Variants in SYT17 observed in about 807,000 individuals in gnomAD.
SYT17 encodes the protein synaptotagmin-17.
A neutral mutation model predicts 46.7 loss-of-function variants in SYT17; 22 were observed. The observed-to-expected ratio is 0.47, with a 90% CI of 0.34 to 0.67. The LOEUF (loss-of-function observed/expected upper bound fraction) is 0.67. SYT17 is among the 30% of genes least tolerant of loss of function. The probability of loss-of-function intolerance (pLI) is 0.01; values close to 1 mark genes in which losing one functional copy is unlikely to be tolerated. For synonymous variants in SYT17, 251 were observed against 248.4 expected, an observed-to-expected ratio of 1.01 and a Z score of -0.10; for missense variants, 519 against 612.8, an observed-to-expected ratio of 0.85 and a Z score of 1.62.
intron 5 of SYT17, among the ~76,000 whole-genome samples, chr16:19,203,212 C>T (rs1965532442): frequency 6.6e-6 from 1 of 151,954 alleles, no homozygotes; most frequent in South Asian, 2.1e-4. Flanking sequence ...AGCACTTGGC[C>T]AGGCGCAGTG....
intron 7 of SYT17, among the ~76,000 whole-genome samples, chr16:19,260,070 A>C (rs928841792): frequency 2.6e-5 from 4 of 152,114 alleles, no homozygotes; most frequent in African/African-American, 9.7e-5. Context: ...TATTATCTAA[A>C]GACCTGAAAT....
chr16:19,259,265 A>G lies in SYT17; in HGVS notation c.1229-7615A>G, dbSNP rs7202507. On this transcript the variant is annotated intron_variant, in intron 7 of 7. Coordinates refer to ENST00000355377, the MANE Select transcript of SYT17 (RefSeq NM_016524.4). ...GAACTAAAAGCATTTTGTGAGAGTA[A>G]AGTTTCCACTTACTGATCCCTTTCC... Among the ~76,000 whole-genome samples the G allele has an allele frequency of 2.0e-5, 3 of 152,222 alleles. No individual in the cohort carries two copies. In the East Asian group the frequency reaches 5.8e-4, roughly 29 times the overall value.
chr16:19,185,432 AT>A (rs1410400398), intron 5 of SYT17, among the ~76,000 whole-genome samples: 2 of 152,050 alleles, frequency 1.3e-5, no homozygotes, highest in South Asian at 4.1e-4. Context: ...ACAAAAAACA[AT>A]TTAAAAATTA....
chr16:19,222,591 T>C (rs957504812), intron 5 of SYT17, among the ~76,000 whole-genome samples: 3 of 152,184 alleles, frequency 2.0e-5, no homozygotes, highest in African/African-American at 7.2e-5. Flanking sequence ...ATAACAGCAG[T>C]CAGAGTATCT....
At position 19,242,858 on chromosome 16, in the gene SYT17, T is replaced by C. The variant is rs139982117; in HGVS notation, c.1228+18020T>C. Among the ~76,000 whole-genome samples the C allele has an allele frequency of 1.7e-3, 260 of 152,116 alleles. 2 individuals carry two copies. The highest frequency in any genetic ancestry group is 5.5e-3 in the African/African-American group (227 of 41,522). On this transcript the variant is annotated intron_variant, in intron 7 of 7. Transcript: ENST00000355377. ...ATGGTGAGTGTTTATTGAACACCCA[T>C]AGTGTGCCTAAGGCTGATAGGCATG... is the stretch of plus-strand genomic sequence containing the variant.
At chr16:19,232,476 A>G (rs1156656203) in intron 7 of SYT17, among the ~76,000 whole-genome samples, 1 of 152,134 alleles carries the variant, frequency 6.6e-6, no homozygotes, top group Non-Finnish European at 1.5e-5. Flanking sequence ...TTTGGGAAAC[A>G]AATAGACCCA....
intron 7 of SYT17, among the ~76,000 whole-genome samples, chr16:19,265,429 T>A (rs1486615075): frequency 1.3e-5 from 2 of 152,238 alleles, no homozygotes; most frequent in Non-Finnish European, 2.9e-5. Context: ...TAAGTCTTTT[T>A]GGCTTTTGGA....
rs558494063 is a variant in SYT17 at position 19,255,033 on chromosome 16, C to T, written c.1229-11847C>T. ...TTCATAAGCCAAAGCAGCATTTCTC[C>T]GTGGTTTCTCCTCCACTCCCCCGTT... On this transcript the variant is annotated intron_variant, in intron 7 of 7. Transcript: ENST00000355377. 1.6e-4 allele frequency among the ~76,000 whole-genome samples: 25 copies of T among 152,280 alleles called. No homozygotes were observed. In the South Asian group the frequency reaches 2.9e-3, roughly 18 times the overall value.
At chr16:19,266,361 AC>A (rs879476825) in intron 7 of SYT17, among the ~76,000 whole-genome samples, 2 of 152,218 alleles carry the variant, frequency 1.3e-5, no homozygotes, top group African/African-American at 4.8e-5. Context: ...GTACGTAGGT[AC>A]CCGGGATGCT....
rs1361047678 is a variant in SYT17 at position 19,249,910 on chromosome 16, G to A, written c.1229-16970G>A. On this transcript the variant is annotated intron_variant, in intron 7 of 7. Transcript: ENST00000355377. ...TGTCTTGCTCACTCCCTTGTCCCCA[G>A]CAGATTCACCAAGTCCTCTTTTTGC... is the stretch of plus-strand genomic sequence containing the variant. 8 of 1,533,766 alleles carry A rather than the reference G, an allele frequency of 5.2e-6. No homozygotes were observed. In the Admixed American group the frequency reaches 1.2e-4, roughly 23 times the overall value.
In SYT17 at chr16:19,173,442, A is replaced by C. The variant is rs1964185768; in HGVS notation, c.46A>C (p.Arg16=). ...LEPLNEGFLS[R]ISGLLLCRWT... The stretch of plus-strand genomic sequence containing the variant: ...CCAATGGCCTCAGGGTTTTCTTTCT[A>C]GAATCTCTGGTCTGCTGCTGTGCAG... The change falls in exon 3 of 8, where the codon AGA becomes CGA. Residue 16 remains arginine, a synonymous_variant. Coordinates refer to ENST00000355377, the MANE Select transcript of SYT17 (RefSeq NM_016524.4). 1 of 1,373,804 alleles carries C rather than the reference A, an allele frequency of 7.3e-7. No individual in the cohort carries two copies. The highest frequency in any genetic ancestry group is 1.7e-5 in the African/African-American group (1 of 57,994). The allele number at this position is 1,373,804 out of a possible 1,614,324, so 85.1% of individuals were successfully genotyped here.
chr16:19,230,675 G>A (rs765844283), intron 7 of SYT17, among the ~76,000 whole-genome samples: 10 of 152,180 alleles, frequency 6.6e-5, no homozygotes, highest in Non-Finnish European at 1.0e-4. Context: ...CACTTTGAGG[G>A]AATAGTTAGG....
chr16:19,258,798 G>A (rs1968764180), intron 7 of SYT17, among the ~76,000 whole-genome samples: 1 of 152,152 alleles, frequency 6.6e-6, no homozygotes, highest in Non-Finnish European at 1.5e-5. Flanking sequence ...GCAGTATCAA[G>A]GGTGAGAAAC....
At chr16:19,249,680 G>A (rs1967887599) in intron 7 of SYT17, among the ~76,000 whole-genome samples, 1 of 152,218 alleles carries the variant, frequency 6.6e-6, no homozygotes, top group Non-Finnish European at 1.5e-5. Flanking sequence ...AAAGGCAGGA[G>A]AGGGCTCTGA....
chr16:19,232,723 C>T (rs866106642), intron 7 of SYT17, among the ~76,000 whole-genome samples: 2 of 151,900 alleles, frequency 1.3e-5, no homozygotes, highest in Admixed American at 6.6e-5. Context: ...CCCAGCTGCT[C>T]GGGAGGCTTA....
intron 1 of SYT17, chr16:19,170,026 G>A (rs560095539): frequency 6.6e-6 from 1 of 152,296 alleles, no homozygotes; most frequent in African/African-American, 2.4e-5. Flanking sequence ...GGGGACTGTG[G>A]TAGATATGTT....
At chr16:19,201,232 AT>A (rs1166416564) in intron 5 of SYT17, among the ~76,000 whole-genome samples, 1 of 152,118 alleles carries the variant, frequency 6.6e-6, no homozygotes, top group Non-Finnish European at 1.5e-5. Flanking sequence ...GCCTCCCGAG[AT>A]TTGTGTGATG....
In SYT17 at chr16:19,238,510, A is replaced by G. The variant is rs114278645; in HGVS notation, c.1228+13672A>G. Among the ~76,000 whole-genome samples, 888 of 152,366 alleles carry G rather than the reference A, an allele frequency of 5.8e-3. 7 individuals carry two copies. Among genetic ancestry groups the G allele is most frequent in the African/African-American group, 0.02 (834 of 41,588 alleles). ...TCCTGAGAGCTCCTTGAATCTGCCA[A>G]CATCCACCAGGTGGTAGAACTTGGC... On this transcript the variant is annotated intron_variant, in intron 7 of 7. Transcript: ENST00000355377.
intron 5 of SYT17, among the ~76,000 whole-genome samples, chr16:19,205,638 T>C (rs1965640355): frequency 6.6e-6 from 1 of 152,130 alleles, no homozygotes; most frequent in African/African-American, 2.4e-5. Context: ...GATACAAAGA[T>C]ACAAAGATAC....
Sources: gnomAD v4.1 joint callset for allele counts (sites outside exome capture counted in the v4.1 genomes callset) on GRCh38, gnomAD v4.1.1 for gene constraint, MANE v1.5 for transcripts, NCBI Gene and HGNC (gene_info 2026-07-23, HGNC 2026-07-21) for gene names.